SPTBN5: variants seen among roughly 807,000 people sequenced by gnomAD.
SPTBN5 encodes spectrin beta, non-erythrocytic 5.
Under a neutral mutation model 477.6 loss-of-function variants are expected in SPTBN5, and 513 were observed. The ratio of observed to expected loss-of-function variants is 1.07; its 90% CI spans 1.00 to 1.16. The LOEUF is 1.16. SPTBN5 is among the 50% of genes most tolerant of loss of function. The probability of loss-of-function intolerance (pLI) is 0.00; values close to 1 mark genes in which losing one functional copy is unlikely to be tolerated. For synonymous variants in SPTBN5, 2,169 were observed against 2,011.7 expected (o/e 1.08, Z -2.09); for missense variants, 5,062 against 4,731.8 (o/e 1.07, Z -2.05).
intron 27 of SPTBN5, 105 bp downstream of exon 27, chr15:41,872,197 G>A (rs1939520808): frequency 7.1e-7 from 1 of 1,405,098 alleles, no homozygotes; most frequent in Non-Finnish European, 9.6e-7. Context: ...CATCTCTACA[G>A]CCTGGGGTCA....
chr15:41,856,986 CGGGCCTCCAGGGCCGTCCT>C lies in SPTBN5; in HGVS notation c.8656_8674del (p.Arg2886GlyfsTer5), dbSNP rs2065944703. 1 of 1,602,808 alleles carries C rather than the reference CGGGCCTCCAGGGCCGTCCT, an allele frequency of 6.2e-7. No homozygotes were observed. The highest frequency in any genetic ancestry group is 1.3e-5 in the African/African-American group (1 of 74,728). On this transcript the variant is annotated frameshift_variant, in exon 52 of 68. Transcript: ENST00000320955. LOFTEE classifies it high-confidence loss of function. Reference sequence around the variant, plus strand: ...CCTGAAGAACTTCAAGAGGAGGCTCCGGGCCTCCAGGGCCGTCCTGCGCTCCTGCAGGGGCTCCCTCAGG... The same window carrying C: ...CCTGAAGAACTTCAAGAGGAGGCTCCGCGCTCCTGCAGGGGCTCCCTCAGG...
Position 41,856,951 on chromosome 15 carries a change from C to T in SPTBN5, c.8710G>A (p.Glu2904Lys), listed in dbSNP as rs772942725. ...TTCTCCTGCACCCAGGCCATTTCCT[C>T]GTCGGCGTCCCTGAAGAACTTCAAG... ...LLLKFFRDAD[E>K]EMAWVQEKLP... The change falls in exon 52 of 68, where the codon GAG becomes AAG. Residue 2904 changes from glutamate (E) to lysine (K), a missense_variant. Coordinates refer to ENST00000320955, the MANE Select transcript of SPTBN5 (RefSeq NM_016642.4). 1.4e-5 allele frequency: 23 copies of T among 1,587,290 alleles called. No homozygotes were observed. The highest frequency in any genetic ancestry group is 2.3e-5 in the East Asian group (1 of 43,456).
Position 41,883,350 on chromosome 15 carries a change from G to A in SPTBN5, c.1657C>T (p.Gln553Ter), listed in dbSNP as rs766191577. ...EAASHQLEEL[Q>*]EPARSTACGQ... is the part of the protein sequence containing the mutation. ...GGGCCTGCTGGTCCAGTGCCCACCTGCAGCTCCTCCAGCTGGTGGGAGGCA... is the reference window on the plus strand; with the variant it reads ...GGGCCTGCTGGTCCAGTGCCCACCTACAGCTCCTCCAGCTGGTGGGAGGCA... The change falls in exon 8 of 68, where the codon CAG (glutamine) becomes TAG (stop). Residue 553 changes from glutamine (Q) to a stop codon, truncating the protein, a stop_gained and splice_region_variant. Coordinates refer to ENST00000320955, the MANE Select transcript of SPTBN5 (RefSeq NM_016642.4). LOFTEE classifies it high-confidence loss of function. 2 of 1,613,062 alleles carry A rather than the reference G, an allele frequency of 1.2e-6. No homozygotes were observed. Among genetic ancestry groups the A allele is most frequent in the Non-Finnish European group, 1.7e-6 (2 of 1,179,760 alleles).
chr15:41,893,782 A>C, intron 1 of SPTBN5, 117 bp downstream of exon 1: 2 of 543,198 alleles, frequency 3.7e-6, no homozygotes, highest in Non-Finnish European at 6.6e-6. Flanking sequence ...TCCCTCCACC[A>C]CAGTGACTGG....
chr15:41,862,669 G>C lies in SPTBN5; in HGVS notation c.7264-9C>G. 4 of 1,548,452 alleles carry C rather than the reference G, an allele frequency of 2.6e-6. No homozygotes were observed. Among genetic ancestry groups the C allele is most frequent in the Non-Finnish European group, 3.5e-6 (4 of 1,150,706 alleles). ...ACTTCACGCTCTAGGGACTGCGGGG[G>C]AAGCCGGGGTCAGAGGCTGGGGCAG... On this transcript the variant is annotated splice_polypyrimidine_tract_variant and intron_variant, in intron 42 of 67. Transcript: ENST00000320955.
intron 43 of SPTBN5, 110 bp from the exon 44 acceptor site, chr15:41,862,402 T>C: frequency 1.3e-6 from 2 of 1,516,358 alleles, no homozygotes; most frequent in South Asian, 1.3e-5. Flanking sequence ...GCCCATGGGC[T>C]GGGAGTTACT....
Position 41,851,731 on chromosome 15 carries a change from CTGCTGCAAGTGG to C in SPTBN5, c.10656+36_10656+47del, listed in dbSNP as rs757601310. ...GATGGCTCTTCGAGCCACTCAAGTG[CTGCTGCAAGTGG>C]GGAGCTGCCTGGAGAAGGAATCTCC... On this transcript the variant is annotated intron_variant, in intron 63 of 67. Coordinates refer to ENST00000320955, the MANE Select transcript of SPTBN5 (RefSeq NM_016642.4). The C allele has an allele frequency of 2.8e-6, 4 of 1,445,640 alleles. No homozygotes were observed. In the Admixed American group the frequency reaches 6.9e-5, roughly 25 times the overall value. 89.6% of individuals were successfully genotyped at this position (1,445,640 alleles called of 1,614,324 possible). A position where few individuals can be genotyped will look rare whatever the true frequency, so the allele number is the denominator to read the frequency against.
chr15:41,884,312 G>T (rs2140963934), intron 7 of SPTBN5, among the ~76,000 whole-genome samples: 1 of 151,980 alleles, frequency 6.6e-6, no homozygotes, highest in South Asian at 2.1e-4. Flanking sequence ...GTAGAGACGG[G>T]TTTCACCATG....
At chr15:41,889,430 T>G (rs1178185597) in intron 4 of SPTBN5, among the ~76,000 whole-genome samples, 8 of 152,186 alleles carry the variant, frequency 5.3e-5, no homozygotes, top group Admixed American at 5.2e-4. Flanking sequence ...TCTTTCTTTT[T>G]TTTTTGAGAC....
chr15:41,850,598 A>G, intron 66 of SPTBN5: 2 of 500,744 alleles, frequency 4.0e-6, no homozygotes, highest in Non-Finnish European at 3.6e-6. Flanking sequence ...AGACTCCAAA[A>G]GGGGCAGAAC....
chr15:41,868,174 C>T lies in SPTBN5; in HGVS notation c.6102G>A (p.Val2034=). ...CTTGCTTCCGTGCCCAGGTCTGATA[C>T]ACCTGGTCCCGCTGGTCCTGCAGGG... ...LRALQDQRDQ[V]YQTWARKQER... is the part of the protein sequence containing the mutation. Residue 2034 remains valine, a synonymous_variant, in exon 34 of 68, where the codon GTG becomes GTA. Coordinates refer to ENST00000320955, the MANE Select transcript of SPTBN5 (RefSeq NM_016642.4). 3.8e-6 allele frequency: 6 copies of T among 1,584,796 alleles called. No homozygotes were observed. The highest frequency in any genetic ancestry group is 4.3e-6 in the Non-Finnish European group (5 of 1,165,872).
chr15:41,866,366 T>A lies in SPTBN5; in HGVS notation c.6608A>T (p.Glu2203Val). 6.2e-7 allele frequency: 1 copy of A among 1,604,566 alleles called. No individual in the cohort carries two copies. The highest frequency in any genetic ancestry group is 8.5e-7 in the Non-Finnish European group (1 of 1,175,318). The change falls in exon 37 of 68, where the codon GAG (glutamate) becomes GTG (valine). Residue 2203 changes from glutamate to valine, a missense_variant. Glu to Val is a moderately radical substitution (Grantham distance 121). Coordinates refer to ENST00000320955, the MANE Select transcript of SPTBN5 (RefSeq NM_016642.4). ...AFEAEVQAHEEVMTSVAKKGE... is the reference protein window; with the variant it reads ...AFEAEVQAHEVVMTSVAKKGE... ...TACCTTGGCAACAGAGGTCATGACCTCCTCATGGGCCTGGACTTCAGCCTC... is the reference window on the plus strand; with the variant it reads ...TACCTTGGCAACAGAGGTCATGACCACCTCATGGGCCTGGACTTCAGCCTC...
chr15:41,866,236 G>A lies in SPTBN5; in HGVS notation c.6631-7C>T. 6.3e-7 allele frequency: 1 copy of A among 1,587,634 alleles called. No homozygotes were observed. The highest frequency in any genetic ancestry group is 8.6e-7 in the Non-Finnish European group (1 of 1,168,326). The stretch of plus-strand genomic sequence containing the variant: ...CCAGGAGAGCCTCTCCCTTCTGGAG[G>A]GAGAGAGGGGACACAGGACATCTTG... On this transcript the variant is annotated splice_polypyrimidine_tract_variant and splice_region_variant and intron_variant, in intron 37 of 67. Coordinates refer to ENST00000320955, the MANE Select transcript of SPTBN5 (RefSeq NM_016642.4).
Position 41,848,474 on chromosome 15 carries a change from C to CTATT in SPTBN5, c.*138_*141dup. ...GACCCATCTAACCAGAAGGAACTGT[C>CTATT]TATTCCAGAAGCTGGGCCTGGGGAA... is the stretch of plus-strand genomic sequence containing the variant. On this transcript the variant is annotated 3_prime_UTR_variant, in exon 68 of 68. Transcript: ENST00000320955. 1 of 950,802 alleles carries CTATT rather than the reference C, an allele frequency of 1.1e-6. No homozygotes were observed. The highest frequency in any genetic ancestry group is 1.3e-5 in the South Asian group (1 of 75,794). The allele number at this position is 950,802 out of a possible 1,614,324, so 58.9% of individuals were successfully genotyped here.
chr15:41,848,252 T>C lies in SPTBN5; in HGVS notation c.*364A>G, dbSNP rs1167793139. 8 of 493,394 alleles carry C rather than the reference T, an allele frequency of 1.6e-5. No individual in the cohort carries two copies. Among genetic ancestry groups the C allele is most frequent in the Non-Finnish European group, 2.6e-5 (7 of 271,502 alleles). 30.6% of individuals were successfully genotyped at this position (493,394 alleles called of 1,614,324 possible). ...TACAGAGCTCGCTCATCAGTGTTCT[T>C]CCTCCGAAGAGCACATTCTCTGCAC... On this transcript the variant is annotated 3_prime_UTR_variant, in exon 68 of 68. Transcript: ENST00000320955.
In SPTBN5 at chr15:41,886,003, G is replaced by A. The variant is rs770604354; in HGVS notation, c.1252C>T (p.Leu418=). 1.3e-6 allele frequency: 2 copies of A among 1,550,836 alleles called. No homozygotes were observed. The highest frequency in any genetic ancestry group is 1.7e-6 in the Non-Finnish European group (2 of 1,149,516). ...GTTTCTAGCCGCTGCAGCTGCAGTAGCCTCTGCTGCAGGGCCTGGCTCCTT... is the reference window on the plus strand; with the variant it reads ...GTTTCTAGCCGCTGCAGCTGCAGTAACCTCTGCTGCAGGGCCTGGCTCCTT... ...AARSQALQQR[L]LQLQRLETLA... The change falls in exon 7 of 68, where the codon CTA becomes TTA. Residue 418 remains leucine, a synonymous_variant. Transcript: ENST00000320955.
chr15:41,881,844 G>C, intron 12 of SPTBN5, 92 bp downstream of exon 12: 2 of 1,255,984 alleles, frequency 1.6e-6, no homozygotes, highest in Non-Finnish European at 2.1e-6. Context: ...CTGGGCCAGA[G>C]GCCACAAAGG....
intron 67 of SPTBN5, 88 bp from the exon 68 acceptor site, chr15:41,848,716 C>G: frequency 6.8e-7 from 1 of 1,473,112 alleles, no homozygotes; most frequent in Non-Finnish European, 9.5e-7. Context: ...CTGCCCTCCC[C>G]TGGACCAGCC....
At position 41,864,013 on chromosome 15, in the gene SPTBN5, A is replaced by C; in HGVS notation, c.6930T>G (p.Gly2310=). The change falls in exon 40 of 68, where the codon GGT becomes GGG. Residue 2310 remains glycine (G), a synonymous_variant. Coordinates refer to ENST00000320955, the MANE Select transcript of SPTBN5 (RefSeq NM_016642.4). ...CACTGATGCTCCTGATGCAGGCATC[A>C]CCCACTGTGTCCTGCAGGGGAGGTA... ...FRGNSAGDTV[G]DACIRSISDL... 1 of 1,613,020 alleles carries C rather than the reference A, an allele frequency of 6.2e-7. No individual in the cohort carries two copies. The highest frequency in any genetic ancestry group is 1.3e-5 in the African/African-American group (1 of 75,038).
Sources: allele counts gnomAD v4.1 joint callset (sites outside exome capture counted in the v4.1 genomes callset), GRCh38; gene constraint gnomAD v4.1.1; transcripts MANE v1.5; gene names NCBI Gene and HGNC (gene_info 2026-07-23, HGNC 2026-07-21).